Variants in CHKA observed in about 807,000 individuals in gnomAD.
CHKA encodes the protein choline kinase alpha, also known as CHETK-alpha.
CHKA carries 34 observed loss-of-function variants against 60.1 expected under a neutral mutation model. The observed-to-expected ratio is 0.57, with a 90% confidence interval of 0.43 to 0.75. The LOEUF is 0.75. Among genes scored for constraint, CHKA ranks in the 30% least tolerant of loss-of-function variants. The probability of loss-of-function intolerance (pLI) is 0.00; values close to 1 mark genes in which losing one functional copy is unlikely to be tolerated. For synonymous variants in CHKA, 217 were observed against 223.1 expected (o/e 0.97, Z 0.24); for missense variants, 563 against 561.3 (o/e 1.00, Z -0.03).
intron 2 of CHKA, among the ~76,000 whole-genome samples, chr11:68,084,472 G>A (rs1025950717): frequency 2.8e-5 from 4 of 144,814 alleles, no homozygotes; most frequent in Non-Finnish European, 6.1e-5. Flanking sequence ...ATAGGAATCC[G>A]TGGGATTTTA....
chr11:68,088,211 T>C (rs1412636357), intron 2 of CHKA, among the ~76,000 whole-genome samples: 1 of 151,324 alleles, frequency 6.6e-6, no homozygotes, highest in Non-Finnish European at 1.5e-5. Context: ...AAATAATCCA[T>C]CTTTCTACTA....
chr11:68,095,237 T>A (rs1565188131), intron 2 of CHKA, among the ~76,000 whole-genome samples: 1 of 151,050 alleles, frequency 6.6e-6, no homozygotes, highest in Middle Eastern at 3.4e-3. Flanking sequence ...ACCTCATCTC[T>A]ACTAAAAATA....
chr11:68,081,283 T>C (rs1856978491), intron 3 of CHKA, 121 bp downstream of exon 3: 7 of 735,734 alleles, frequency 9.5e-6, no homozygotes, highest in Non-Finnish European at 1.6e-5. Flanking sequence ...CCCCTCCTCG[T>C]AGAAAGATAG....
chr11:68,068,959 T>A, intron 6 of CHKA, 22 bp from the exon 7 acceptor site: 1 of 1,595,868 alleles, frequency 6.3e-7, no homozygotes, highest in South Asian at 1.1e-5. Flanking sequence ...GGTTTCACTG[T>A]TACCCATCAC....
chr11:68,107,022 G>A (rs1857940067), intron 1 of CHKA, among the ~76,000 whole-genome samples: 1 of 152,190 alleles, frequency 6.6e-6, no homozygotes, highest in African/African-American at 2.4e-5. Context: ...GGGAGGCCGA[G>A]GTGGGTGGAT....
intron 11 of CHKA, among the ~76,000 whole-genome samples, chr11:68,058,816 T>A (rs1183263354): frequency 6.6e-6 from 1 of 152,218 alleles, no homozygotes; most frequent in Non-Finnish European, 1.5e-5. Context: ...AGAACAGGCG[T>A]CCTTGCATGT....
At chr11:68,099,023 T>C (rs2153024685) in intron 1 of CHKA, among the ~76,000 whole-genome samples, 1 of 152,298 alleles carries the variant, frequency 6.6e-6, no homozygotes, top group East Asian at 1.9e-4. Flanking sequence ...AGTACTGATA[T>C]ATACTACAAC....
intron 1 of CHKA, among the ~76,000 whole-genome samples, chr11:68,100,681 T>C (rs867984206): frequency 7.3e-5 from 11 of 151,208 alleles, no homozygotes; most frequent in African/African-American, 2.7e-4. Flanking sequence ...TAAATTTAAA[T>C]ATATATATGC....
intron 9 of CHKA, among the ~76,000 whole-genome samples, chr11:68,064,996 G>A (rs1389763530): frequency 6.6e-6 from 1 of 152,184 alleles, no homozygotes; most frequent in Non-Finnish European, 1.5e-5. Context: ...GCTGAGGAAT[G>A]GGAGAGAAAG....
chr11:68,103,463 CGTT>C (rs1426101472), intron 1 of CHKA, among the ~76,000 whole-genome samples: 4 of 152,014 alleles, frequency 2.6e-5, no homozygotes, highest in African/African-American at 9.7e-5. Flanking sequence ...AGATAACAAA[CGTT>C]GACAAGGATG....
At chr11:68,066,600 GATCCCTTAGGGA>G in intron 7 of CHKA, 84 bp from the exon 8 acceptor site, 1 of 1,048,096 alleles carries the variant, frequency 9.5e-7, no homozygotes, top group Non-Finnish European at 1.5e-6. Flanking sequence ...GAATGGATTT[GATCCCTTAGGGA>G]ATCCTAACTG....
intron 5 of CHKA, 31 bp downstream of exon 5, chr11:68,070,693 T>C: frequency 6.3e-7 from 1 of 1,596,508 alleles, no homozygotes; most frequent in South Asian, 1.1e-5. Context: ...ACTGTAAAAC[T>C]ATGTTAGGAC....
chr11:68,079,486 C>T (rs556423619), intron 3 of CHKA, among the ~76,000 whole-genome samples: 60 of 152,228 alleles, frequency 3.9e-4, no homozygotes, highest in Non-Finnish European at 7.2e-4. Context: ...CCCGCCACCA[C>T]GCCTGGCTAA....
intron 2 of CHKA, among the ~76,000 whole-genome samples, chr11:68,084,331 T>C (rs944107561): frequency 7.2e-6 from 1 of 139,682 alleles, no homozygotes; most frequent in Non-Finnish European, 1.6e-5. Flanking sequence ...TATATACACA[T>C]ATACGTATAT....
At chr11:68,100,611 A>T (rs979925477) in intron 1 of CHKA, among the ~76,000 whole-genome samples, 4 of 150,974 alleles carry the variant, frequency 2.6e-5, no homozygotes, top group Admixed American at 6.6e-5. Flanking sequence ...ATACATAAAT[A>T]AATAAATAAA....
intron 1 of CHKA, among the ~76,000 whole-genome samples, chr11:68,114,627 G>A (rs1195777234): frequency 1.3e-5 from 2 of 151,876 alleles, no homozygotes; most frequent in Non-Finnish European, 2.9e-5. Context: ...AACCCGGAAG[G>A]CGGAGGTTGC....
At chr11:68,060,209 T>C (rs1856182547) in intron 11 of CHKA, among the ~76,000 whole-genome samples, 1 of 151,132 alleles carries the variant, frequency 6.6e-6, no homozygotes, top group South Asian at 2.1e-4. Flanking sequence ...TTTTTTTGTA[T>C]TTTTAGTAGA....
chr11:68,084,310 ACATG>A (rs1565183038), intron 2 of CHKA, among the ~76,000 whole-genome samples: 3 of 142,152 alleles, frequency 2.1e-5, no homozygotes, highest in Admixed American at 7.0e-5. Flanking sequence ...ATGTGTATAT[ACATG>A]TGTATATATA....
At chr11:68,103,682 C>T (rs947010243) in intron 1 of CHKA, among the ~76,000 whole-genome samples, 87 of 151,960 alleles carry the variant, frequency 5.7e-4, no homozygotes, top group African/African-American at 2.0e-3. Context: ...AAGGCTGAGG[C>T]GGGCAGATCA....
Sources: allele counts gnomAD v4.1 joint callset (sites outside exome capture counted in the v4.1 genomes callset), GRCh38; gene constraint gnomAD v4.1.1; transcripts MANE v1.5; gene names NCBI Gene and HGNC (gene_info 2026-07-23, HGNC 2026-07-21).